Variants in DNAJC7 observed in about 807,000 individuals in gnomAD.
DNAJC7 encodes the protein dnaJ homolog subfamily C member 7.
Under a neutral mutation model 67.4 loss-of-function variants are expected in DNAJC7, and 18 were observed. The observed-to-expected ratio is 0.27, with a 90% confidence interval of 0.18 to 0.40. The LOEUF (loss-of-function observed/expected upper bound fraction) is 0.40. DNAJC7 is among the 10% of genes least tolerant of loss of function. The pLI is 1.00. For missense variants in DNAJC7, 419 were observed against 613.8 expected (o/e 0.68, Z 3.35); for synonymous variants, 220 against 207.8 (o/e 1.06, Z -0.50).
rs2051086279 is a variant in DNAJC7, at chr17:41,976,590, C to G, written c.*143G>C. On this transcript the variant is annotated 3_prime_UTR_variant, in exon 14 of 14. Transcript: ENST00000457167. ...GGTTCCCTTTGCTCCACCCCACTCA[C>G]AGAGACACAGGGCATCCAACTGAGA... The G allele has an allele frequency of 1.8e-6, 2 of 1,081,456 alleles. No individual in the cohort carries two copies. The highest frequency in any genetic ancestry group is 2.6e-6 in the Non-Finnish European group (2 of 766,560). 67.0% of individuals were successfully genotyped at this position (1,081,456 alleles called of 1,614,324 possible).
Position 41,988,769 on chromosome 17 carries a change from G to C in DNAJC7, c.881C>G (p.Ala294Gly). 1 of 1,612,130 alleles carries C rather than the reference G, an allele frequency of 6.2e-7. No individual in the cohort carries two copies. The highest frequency in any genetic ancestry group is 8.5e-7 in the Non-Finnish European group (1 of 1,179,320). ...CGTACCCCGATTACAGTAGAGTTTA[G>C]CATTTGTTTTTATATTGTTGGGGTC... ...GIDPNNIKTN[A>G]KLYCNRGTVN... The change falls in exon 8 of 14, where the codon GCT becomes GGT. Residue 294 changes from alanine (A) to glycine (G), a missense_variant. By Grantham distance (60) the Ala-to-Gly change is moderately conservative. This residue lies in a region of DNAJC7 where 161 missense variants were observed against 252.2 expected (regional missense o/e 0.64). Transcript: ENST00000457167.
intron 5 of DNAJC7, among the ~76,000 whole-genome samples, chr17:41,993,109 T>C (rs1567961255): frequency 1.3e-5 from 2 of 152,162 alleles, no homozygotes; most frequent in Non-Finnish European, 2.9e-5. Flanking sequence ...ATATATACAT[T>C]ACCAAATAAA....
At chr17:42,006,795 T>TGAAAAAA (rs1555650363) in intron 1 of DNAJC7, among the ~76,000 whole-genome samples, 1 of 1,766 alleles carries the variant, frequency 5.7e-4, no homozygotes, top group African/African-American at 9.8e-4. Flanking sequence ...AGACTCCGTC[T>TGAAAAAA]CAAAAAAAAA....
intron 6 of DNAJC7, among the ~76,000 whole-genome samples, chr17:41,989,932 AC>A (rs2051471506): frequency 6.6e-6 from 1 of 152,242 alleles, no homozygotes; most frequent in African/African-American, 2.4e-5. Context: ...TGCAACAGAG[AC>A]CCTGTGGCCT....
At chr17:41,981,093 T>C (rs2051237977) in intron 12 of DNAJC7, among the ~76,000 whole-genome samples, 1 of 152,212 alleles carries the variant, frequency 6.6e-6, no homozygotes, top group Non-Finnish European at 1.5e-5. Context: ...TGGAGTGCAG[T>C]AGCGCCATCT....
intron 9 of DNAJC7, chr17:41,987,442 C>T (rs2051412142): frequency 5.8e-6 from 1 of 171,566 alleles, no homozygotes; most frequent in Non-Finnish European, 1.2e-5. Flanking sequence ...TACATTCATT[C>T]AACAAAACAT....
At chr17:41,980,743 A>G (rs528453370) in intron 12 of DNAJC7, among the ~76,000 whole-genome samples, 1 of 152,332 alleles carries the variant, frequency 6.6e-6, no homozygotes, top group African/African-American at 2.4e-5. Context: ...GTGAGCAACA[A>G]TATTGACAAT....
chr17:42,009,967 C>T (rs781925239), intron 1 of DNAJC7, among the ~76,000 whole-genome samples: 5 of 151,140 alleles, frequency 3.3e-5, no homozygotes, highest in Non-Finnish European at 5.9e-5. Flanking sequence ...CATGGTGAAA[C>T]CCGTCTCTAC....
At chr17:41,979,977 CA>C (rs2051205327) in intron 12 of DNAJC7, among the ~76,000 whole-genome samples, 1 of 151,316 alleles carries the variant, frequency 6.6e-6, no homozygotes, top group South Asian at 2.1e-4. Context: ...CAAAACAAAA[CA>C]AAAAACAAAA....
intron 6 of DNAJC7, 119 bp from the exon 7 acceptor site, chr17:41,989,676 A>G (rs2143179097): frequency 1.5e-6 from 2 of 1,328,402 alleles, no homozygotes; most frequent in Non-Finnish European, 2.1e-6. Context: ...ATCCAAAGGT[A>G]GACAGATTCC....
At chr17:41,977,479 C>A in intron 12 of DNAJC7, 156 bp from the exon 13 acceptor site, 1 of 627,256 alleles carries the variant, frequency 1.6e-6, no homozygotes, top group Non-Finnish European at 2.8e-6. Flanking sequence ...GTGAGCAAAC[C>A]TGCCCCATCC....
intron 5 of DNAJC7, 42 bp downstream of exon 5, chr17:41,994,828 G>A (rs1274160844): frequency 6.4e-7 from 1 of 1,567,940 alleles, no homozygotes; most frequent in Admixed American, 1.7e-5. Context: ...TGGGAATTTT[G>A]CGACAAAGAG....
chr17:41,989,643 AC>A, intron 6 of DNAJC7, 86 bp from the exon 7 acceptor site: 1 of 1,526,834 alleles, frequency 6.5e-7, no homozygotes, highest in Non-Finnish European at 8.9e-7. Context: ...TTCCTCCTTG[AC>A]CATGTGTCTA....
At chr17:41,983,269 C>A (rs1161552835) in intron 10 of DNAJC7, among the ~76,000 whole-genome samples, 1 of 152,074 alleles carries the variant, frequency 6.6e-6, no homozygotes, top group Non-Finnish European at 1.5e-5. Context: ...GGATTACAGG[C>A]GTATACCACC....
intron 12 of DNAJC7, among the ~76,000 whole-genome samples, chr17:41,980,678 G>A (rs553365583): frequency 9.7e-4 from 147 of 152,256 alleles, no homozygotes; most frequent in African/African-American, 3.4e-3. Flanking sequence ...GATTACAGGC[G>A]TAAGCCACCG....
chr17:42,017,111 G>A (rs1468223376), intron 1 of DNAJC7: 1 of 1,438,640 alleles, frequency 7.0e-7, no homozygotes, highest in African/African-American at 1.4e-5. Flanking sequence ...CTCTCAGCTG[G>A]AGAACAAGGC....
At chr17:42,016,933 G>A (rs2143399758) in intron 1 of DNAJC7, 1 of 1,141,960 alleles carries the variant, frequency 8.8e-7, no homozygotes, top group East Asian at 7.8e-5. Context: ...AAAGGTTTTG[G>A]AGACGGAAAG....
intron 4 of DNAJC7, 104 bp downstream of exon 4, chr17:41,996,207 T>C: frequency 4.5e-6 from 5 of 1,105,172 alleles, no homozygotes; most frequent in Non-Finnish European, 6.7e-6. Flanking sequence ...CCAGGTGTGC[T>C]GATGGCAGAA....
At chr17:41,995,304 C>A (rs1197626444) in intron 4 of DNAJC7, among the ~76,000 whole-genome samples, 1 of 152,162 alleles carries the variant, frequency 6.6e-6, no homozygotes, top group Non-Finnish European at 1.5e-5. Flanking sequence ...TAGACCCAAT[C>A]TTCACCCTCA....
Sources: gnomAD v4.1 joint callset for allele counts (sites outside exome capture counted in the v4.1 genomes callset) on GRCh38, gnomAD v4.1.1 for gene constraint, gnomAD v4.1.1 regional missense constraint, MANE v1.5 for transcripts, NCBI Gene and HGNC (gene_info 2026-07-23, HGNC 2026-07-21) for gene names.